CD44: variants seen among roughly 807,000 people sequenced by gnomAD.
The protein encoded by CD44 is CD44 antigen.
In CD44, 49 loss-of-function variants were observed where a neutral mutation model predicts 88.8. The ratio of observed to expected loss-of-function variants is 0.55; its 90% CI spans 0.44 to 0.70. The LOEUF is 0.70. Ranked by LOEUF, CD44 falls within the 30% of genes least tolerant of loss-of-function variation. The probability of loss-of-function intolerance (pLI) is 0.00; values close to 1 mark genes in which losing one functional copy is unlikely to be tolerated. For missense variants in CD44, 883 were observed against 913.8 expected, an observed-to-expected ratio of 0.97 and a Z score of 0.43; for synonymous variants, 325 against 312.3, an observed-to-expected ratio of 1.04 and a Z score of -0.43.
At chr11:35,187,138 G>T (rs1346670167) in intron 4 of CD44, among the ~76,000 whole-genome samples, 2 of 152,128 alleles carry the variant, frequency 1.3e-5, no homozygotes, top group African/African-American at 4.8e-5. Flanking sequence ...GCTGGGCATA[G>T]TGGCAGGTGC....
chr11:35,153,398 T>C (rs963774009), intron 1 of CD44, among the ~76,000 whole-genome samples: 1 of 152,140 alleles, frequency 6.6e-6, no homozygotes, highest in Non-Finnish European at 1.5e-5. Flanking sequence ...TGCACACCCA[T>C]ATTTGGTATT....
Position 35,229,529 on chromosome 11 carries a change from C to A in CD44, c.*196C>A, listed in dbSNP as rs913221221. On this transcript the variant is annotated 3_prime_UTR_variant, in exon 18 of 18. Coordinates refer to ENST00000428726, the MANE Select transcript of CD44 (RefSeq NM_000610.4). ...CAATTTGTAAAAACAGCATTGCTTTCTGAAATTAGGGCCCAATTAATAATC... is the reference window on the plus strand; with the variant it reads ...CAATTTGTAAAAACAGCATTGCTTTATGAAATTAGGGCCCAATTAATAATC... The A allele has an allele frequency of 5.4e-6, 3 of 554,866 alleles. No homozygotes were observed. Among genetic ancestry groups the A allele is most frequent in the Non-Finnish European group, 9.6e-6 (3 of 312,790 alleles). The allele number at this position is 554,866 out of a possible 1,614,324, so 34.4% of individuals were successfully genotyped here.
intron 1 of CD44, among the ~76,000 whole-genome samples, chr11:35,148,123 C>T (rs1859567416): frequency 6.6e-6 from 1 of 151,626 alleles, no homozygotes; most frequent in Non-Finnish European, 1.5e-5. Flanking sequence ...GAGAAATGAA[C>T]AATTCCATGC....
intron 2 of CD44, 110 bp downstream of exon 2, chr11:35,176,850 G>C: frequency 9.7e-7 from 1 of 1,031,120 alleles, no homozygotes; most frequent in Non-Finnish European, 1.4e-6. Flanking sequence ...ATTGCCTAAG[G>C]AGTCAACCCC....
At chr11:35,209,335 T>C (rs1948188797) in intron 12 of CD44, among the ~76,000 whole-genome samples, 1 of 152,202 alleles carries the variant, frequency 6.6e-6, no homozygotes. Context: ...GTTTCCTTGG[T>C]GCAGTGATGA....
At chr11:35,181,276 G>A (rs1358494360) in intron 3 of CD44, among the ~76,000 whole-genome samples, 1 of 152,140 alleles carries the variant, frequency 6.6e-6, no homozygotes, top group Non-Finnish European at 1.5e-5. Context: ...AAGTTAAGAT[G>A]TAGATGCTAG....
At chr11:35,171,236 G>C (rs555454019) in intron 1 of CD44, among the ~76,000 whole-genome samples, 1 of 152,198 alleles carries the variant, frequency 6.6e-6, no homozygotes, top group Non-Finnish European at 1.5e-5. Context: ...CCTTGAAAAT[G>C]TTGGCTCCTT....
At chr11:35,151,858 C>T (rs1475181724) in intron 1 of CD44, among the ~76,000 whole-genome samples, 1 of 152,210 alleles carries the variant, frequency 6.6e-6, no homozygotes, top group East Asian at 1.9e-4. Flanking sequence ...AGGATTCACT[C>T]CCATTCTGTC....
intron 1 of CD44, among the ~76,000 whole-genome samples, chr11:35,168,734 G>A (rs926799116): frequency 6.6e-6 from 1 of 152,196 alleles, no homozygotes; most frequent in East Asian, 1.9e-4. Flanking sequence ...ATCTGGAGAC[G>A]TCTGGTCTGG....
At chr11:35,178,301 C>T (rs1427799266) in intron 2 of CD44, among the ~76,000 whole-genome samples, 1 of 152,214 alleles carries the variant, frequency 6.6e-6, no homozygotes, top group Non-Finnish European at 1.5e-5. Context: ...TGCCACTGGC[C>T]AATCATCAAG....
At chr11:35,208,508 G>A (rs1948102144) in intron 12 of CD44, among the ~76,000 whole-genome samples, 1 of 152,140 alleles carries the variant, frequency 6.6e-6, no homozygotes, top group South Asian at 2.1e-4. Context: ...CCCACTTCCA[G>A]GATAGTGATT....
chr11:35,157,495 A>G (rs954427907), intron 1 of CD44, among the ~76,000 whole-genome samples: 1 of 151,886 alleles, frequency 6.6e-6, no homozygotes, highest in African/African-American at 2.4e-5. Flanking sequence ...CTATCTCTTA[A>G]TTGTCTCTAT....
chr11:35,171,355 G>C (rs76393696), intron 1 of CD44, among the ~76,000 whole-genome samples: 4,169 of 152,310 alleles, frequency 0.027, 69 homozygotes, highest in East Asian at 0.079. Context: ...GCTAAATAGC[G>C]TCAGGGTTAG....
At chr11:35,216,274 T>A (rs538902095) in intron 15 of CD44, among the ~76,000 whole-genome samples, 2 of 152,284 alleles carry the variant, frequency 1.3e-5, no homozygotes, top group East Asian at 3.9e-4. Context: ...TTACTTCTAC[T>A]GCTGGGCTAC....
At position 35,214,681 on chromosome 11, in the gene CD44, A is replaced by G. The variant is rs554546187; in HGVS notation, c.1811-171A>G. On this transcript the variant is annotated intron_variant, in intron 14 of 17. Transcript: ENST00000428726. The stretch of plus-strand genomic sequence containing the variant: ...CATTTATCAGTGGATTAAGCAATGA[A>G]CGGTAATTAACATTGTGGACCCATT... 2.5e-5 allele frequency: 10 copies of G among 403,196 alleles called. No individual in the cohort carries two copies. The South Asian group carries it at 8.5e-4, about 34-fold the overall frequency. The allele number at this position is 403,196 out of a possible 1,614,324, so 25.0% of individuals were successfully genotyped here.
intron 12 of CD44, among the ~76,000 whole-genome samples, chr11:35,208,915 C>T (rs2134158722): frequency 6.6e-6 from 1 of 152,208 alleles, no homozygotes; most frequent in East Asian, 1.9e-4. Context: ...GGGCAGAGTC[C>T]TTCATATGAG....
chr11:35,183,090 G>A (rs1945313606), intron 3 of CD44, among the ~76,000 whole-genome samples: 1 of 151,826 alleles, frequency 6.6e-6, no homozygotes, highest in South Asian at 2.1e-4. Flanking sequence ...AAGTACAGGG[G>A]GTATGTTCCT....
chr11:35,155,590 T>C (rs530607113), intron 1 of CD44, among the ~76,000 whole-genome samples: 3 of 152,316 alleles, frequency 2.0e-5, no homozygotes, highest in African/African-American at 7.2e-5. Context: ...CAAAAGAGAA[T>C]TATATCAGGG....
chr11:35,139,225 C>T lies in CD44; in HGVS notation c.-79C>T, dbSNP rs947011631. ...CAGGTTCGGTCCGCCATCCTCGTCC[C>T]GTCCTCCGCCGGCCCCTGCCCCGCG... On this transcript the variant is annotated 5_prime_UTR_variant, in exon 1 of 18. Coordinates refer to ENST00000428726, the MANE Select transcript of CD44 (RefSeq NM_000610.4). The T allele has an allele frequency of 2.4e-5, 28 of 1,153,498 alleles. No homozygotes were observed. The East Asian group carries it at 6.2e-4, about 25-fold the overall frequency. The allele number at this position is 1,153,498 out of a possible 1,614,324, so 71.5% of individuals were successfully genotyped here.
Sources: allele counts gnomAD v4.1 joint callset (sites outside exome capture counted in the v4.1 genomes callset), GRCh38; gene constraint gnomAD v4.1.1; transcripts MANE v1.5; gene names NCBI Gene and HGNC (gene_info 2026-07-23, HGNC 2026-07-21).